The following SH3TC2 variants were observed in gnomAD, a reference collection of about 807,000 sequenced individuals.
The protein encoded by SH3TC2 is SH3 domain and tetratricopeptide repeats 2.
A neutral mutation model predicts 124.5 loss-of-function variants in SH3TC2; 87 were observed. The ratio of observed to expected loss-of-function variants is 0.70; its 90% confidence interval spans 0.59 to 0.84. The LOEUF is 0.84. SH3TC2 is among the 40% of genes least tolerant of loss of function. SH3TC2 has a pLI of 0.00. For missense variants in SH3TC2, 1,536 were observed against 1,566.4 expected, an observed-to-expected ratio of 0.98 and a Z score of 0.33; for synonymous variants, 634 against 628.5, an observed-to-expected ratio of 1.01 and a Z score of -0.13.
chr5:149,026,874 T>C lies in SH3TC2; in HGVS notation c.2858A>G (p.His953Arg). The stretch of plus-strand genomic sequence containing the variant: ...GACATACTTACTCTTTAGATGTCGA[T>C]GCCTTAAGCCAAACAGCAATGCCAT... ...YEMALLFGLR[H>R]RHLKSQLQAT... Residue 953 changes from histidine (H) to arginine (R), a missense_variant, in exon 11 of 17, where the codon CAT (histidine) becomes CGT (arginine). This residue lies in a region of SH3TC2 where 426 missense variants were observed against 443.5 expected (regional missense o/e 0.96). Coordinates refer to ENST00000515425, the MANE Select transcript of SH3TC2 (RefSeq NM_024577.4). 6.8e-6 allele frequency: 11 copies of C among 1,614,220 alleles called. No individual in the cohort carries two copies. Among genetic ancestry groups the C allele is most frequent in the Non-Finnish European group, 9.3e-6 (11 of 1,180,052 alleles).
intron 8 of SH3TC2, among the ~76,000 whole-genome samples, chr5:149,034,135 G>T (rs1754244567): frequency 6.6e-6 from 1 of 152,032 alleles, no homozygotes; most frequent in African/African-American, 2.4e-5. Context: ...ATGAAAAGAT[G>T]GAGCACTGTG....
chr5:149,027,100 C>T lies in SH3TC2; in HGVS notation c.2632G>A (p.Ala878Thr), dbSNP rs1250828520. ...CTCAGGTGGCCAAGATTGGCCATAG[C>T]CACTGCCTGGTTATGCACATCTCCC... ...EVGDVHNQAV[A>T]MANLGHLSLK... Residue 878 changes from alanine to threonine, a missense_variant, in exon 11 of 17, where the codon GCT becomes ACT. Physicochemically the swap from Ala to Thr is moderately conservative, Grantham distance 58. This residue lies in a region of SH3TC2 where 1,102 missense variants were observed against 1,098.6 expected (regional missense o/e 1.00). Transcript: ENST00000515425. 1.2e-6 allele frequency: 2 copies of T among 1,614,172 alleles called. No homozygotes were observed. Among genetic ancestry groups the T allele is most frequent in the Non-Finnish European group, 1.7e-6 (2 of 1,180,024 alleles).
rs1468767577 is a variant in SH3TC2, at chr5:149,052,257, A to G, written c.53-17T>C. On this transcript the variant is annotated splice_polypyrimidine_tract_variant and intron_variant, in intron 1 of 16. Coordinates refer to ENST00000515425, the MANE Select transcript of SH3TC2 (RefSeq NM_024577.4). Reference sequence around the variant, plus strand: ...TTTCTTTACCTGGAGAAGATGAAATAAAAGGTCATCTTAAGAGTGTAAGGA... The same window carrying G: ...TTTCTTTACCTGGAGAAGATGAAATGAAAGGTCATCTTAAGAGTGTAAGGA... 2.6e-6 allele frequency: 4 copies of G among 1,560,602 alleles called. No homozygotes were observed. The highest frequency in any genetic ancestry group is 3.5e-6 in the Non-Finnish European group (4 of 1,131,650).
At chr5:149,056,375 G>C (rs545703597) in intron 1 of SH3TC2, among the ~76,000 whole-genome samples, 39 of 152,050 alleles carry the variant, frequency 2.6e-4, no homozygotes, top group South Asian at 4.1e-4. Flanking sequence ...TTTGTTTTCT[G>C]TTCCTGCATT....
chr5:148,994,480 A>C lies in SH3TC2; in HGVS notation c.*10231T>G, dbSNP rs1753471067. Among the ~76,000 whole-genome samples, 2 of 152,232 alleles carry C rather than the reference A, an allele frequency of 1.3e-5. No homozygotes were observed. The highest frequency in any genetic ancestry group is 6.5e-5 in the Admixed American group (1 of 15,278). Reference sequence around the variant, plus strand: ...ACTTGCCCTGGAGCCCATAGGACTTATGAAGACAGGGACTGTCATTATCTT... The same window carrying C: ...ACTTGCCCTGGAGCCCATAGGACTTCTGAAGACAGGGACTGTCATTATCTT... On this transcript the variant is annotated 3_prime_UTR_variant, in exon 17 of 17. Coordinates refer to ENST00000515425, the MANE Select transcript of SH3TC2 (RefSeq NM_024577.4).
chr5:148,997,677 C>T lies in SH3TC2; in HGVS notation c.*7034G>A, dbSNP rs1016213331. Reference sequence around the variant, plus strand: ...TTTCTCTCAGAGATGTGTCACCTGACAGAAACACAATATAATATAATGGTT... The same window carrying T: ...TTTCTCTCAGAGATGTGTCACCTGATAGAAACACAATATAATATAATGGTT... On this transcript the variant is annotated 3_prime_UTR_variant, in exon 17 of 17. Coordinates refer to ENST00000515425, the MANE Select transcript of SH3TC2 (RefSeq NM_024577.4). Among the ~76,000 whole-genome samples, 3 of 152,194 alleles carry T rather than the reference C, an allele frequency of 2.0e-5. No individual in the cohort carries two copies. Among genetic ancestry groups the T allele is most frequent in the Non-Finnish European group, 1.5e-5 (1 of 68,036 alleles).
rs547788921 is a variant in SH3TC2 at position 148,993,909 on chromosome 5, T to C, written c.*10802A>G. Among the ~76,000 whole-genome samples, 14 of 152,368 alleles carry C rather than the reference T, an allele frequency of 9.2e-5. No individual in the cohort carries two copies. Among genetic ancestry groups the C allele is most frequent in the African/African-American group, 2.6e-4 (11 of 41,586 alleles). ...CAATAACAATAATAGCCAACACTTA[T>C]ATAACATGGGCCAGGCACTTTACAT... On this transcript the variant is annotated 3_prime_UTR_variant, in exon 17 of 17. Transcript: ENST00000515425.
At chr5:149,036,402 C>T (rs1754284238) in intron 8 of SH3TC2, among the ~76,000 whole-genome samples, 1 of 152,178 alleles carries the variant, frequency 6.6e-6, no homozygotes, top group Admixed American at 6.5e-5. Context: ...TTCTTCCTCT[C>T]TGTGGCTCCT....
At chr5:149,030,453 A>G (rs897669491) in intron 9 of SH3TC2, among the ~76,000 whole-genome samples, 1 of 152,228 alleles carries the variant, frequency 6.6e-6, no homozygotes, top group Non-Finnish European at 1.5e-5. Context: ...GGCAGAAATC[A>G]TGATCCAAGT....
At chr5:149,025,313 G>C (rs1442711463) in intron 12 of SH3TC2, among the ~76,000 whole-genome samples, 1 of 152,140 alleles carries the variant, frequency 6.6e-6, no homozygotes, top group Non-Finnish European at 1.5e-5. Flanking sequence ...GTGAGAGGAA[G>C]ACAGACTGGA....
At chr5:149,022,157 C>T (rs975247214) in intron 12 of SH3TC2, among the ~76,000 whole-genome samples, 2 of 151,952 alleles carry the variant, frequency 1.3e-5, no homozygotes, top group Non-Finnish European at 2.9e-5. Context: ...TGATAAGGGA[C>T]TTGTATCCAG....
At chr5:149,021,275 C>T (rs564440572) in intron 12 of SH3TC2, among the ~76,000 whole-genome samples, 11 of 151,876 alleles carry the variant, frequency 7.2e-5, no homozygotes, top group East Asian at 1.9e-4. Context: ...TATAAAATGG[C>T]GTAGGCACAA....
chr5:149,022,217 ATT>A (rs1753985880), intron 12 of SH3TC2, among the ~76,000 whole-genome samples: 1 of 152,176 alleles, frequency 6.6e-6, no homozygotes, highest in Non-Finnish European at 1.5e-5. Flanking sequence ...AAACAACCCA[ATT>A]TAAAAAATGG....
rs1165831676 is a variant in SH3TC2, at chr5:148,992,526, A to G, written c.*12185T>C. ...TTTAACTCATCATCCTTGGGCGTGC[A>G]TTAAAGGGTCCATGAGGCCTTTGAA... On this transcript the variant is annotated 3_prime_UTR_variant, in exon 17 of 17. Transcript: ENST00000515425. Among the ~76,000 whole-genome samples, 6 of 150,722 alleles carry G rather than the reference A, an allele frequency of 4.0e-5. No individual in the cohort carries two copies. In the South Asian group the frequency reaches 1.1e-3, roughly 27 times the overall value.
intron 15 of SH3TC2, 102 bp downstream of exon 15, chr5:149,008,749 C>T: frequency 6.5e-7 from 1 of 1,532,286 alleles, no homozygotes; most frequent in Non-Finnish European, 9.0e-7. Flanking sequence ...GGATTTGAAC[C>T]CACACAGTCT....
intron 12 of SH3TC2, among the ~76,000 whole-genome samples, chr5:149,023,478 G>T (rs1006705173): frequency 6.6e-6 from 1 of 151,724 alleles, no homozygotes; most frequent in Admixed American, 6.6e-5. Context: ...TTCCTTGATG[G>T]GTATTTAAAA....
chr5:149,013,840 G>A (rs1753825369), intron 12 of SH3TC2, among the ~76,000 whole-genome samples: 1 of 152,184 alleles, frequency 6.6e-6, no homozygotes, highest in Non-Finnish European at 1.5e-5. Context: ...GAGTCACCTG[G>A]AAGCATTTTA....
Position 149,026,912 on chromosome 5 carries a change from A to G in SH3TC2, c.2820T>C (p.Leu940=). 1 of 1,614,206 alleles carries G rather than the reference A, an allele frequency of 6.2e-7. No individual in the cohort carries two copies. Among genetic ancestry groups the G allele is most frequent in the Non-Finnish European group, 8.5e-7 (1 of 1,180,040 alleles). Residue 940 remains leucine, a synonymous_variant, in exon 11 of 17, where the codon CTT becomes CTC. Transcript: ENST00000515425. ...ACAGCAATGCCATTTCATAACAAAG[A>G]AGGCCATGGGTCAGCTGGTGTCCAG... ...LVSGHQLTHG[L]LCYEMALLFG... is the part of the protein sequence containing the mutation.
At chr5:149,016,285 C>G (rs1753871956) in intron 12 of SH3TC2, among the ~76,000 whole-genome samples, 1 of 152,106 alleles carries the variant, frequency 6.6e-6, no homozygotes, top group African/African-American at 2.4e-5. Context: ...AGAGTCTGAC[C>G]CAGAACCCTT....
Sources: gnomAD v4.1 joint callset for allele counts (sites outside exome capture counted in the v4.1 genomes callset) on GRCh38, gnomAD v4.1.1 for gene constraint, gnomAD v4.1.1 regional missense constraint, MANE v1.5 for transcripts, NCBI Gene and HGNC (gene_info 2026-07-23, HGNC 2026-07-21) for gene names.